The following CACNA1E variants were observed in gnomAD, a reference collection of about 807,000 sequenced individuals.
CACNA1E encodes voltage-dependent R-type calcium channel subunit alpha-1E.
A neutral mutation model predicts 259.2 loss-of-function variants in CACNA1E; 40 were observed. That is an observed-to-expected ratio of 0.15 (90% confidence interval 0.12 to 0.20). CACNA1E has a LOEUF of 0.20. Ranked by LOEUF, CACNA1E falls within the 10% of genes least tolerant of loss-of-function variation. The pLI, the probability that CACNA1E is intolerant of heterozygous loss-of-function variation, is 1.00. For synonymous variants in CACNA1E, 1,104 were observed against 1,138.5 expected (o/e 0.97, Z 0.61); for missense variants, 1,874 against 3,040.1 (o/e 0.62, Z 9.02).
chr1:181,506,490 C>T (rs1238909446), intron 1 of CACNA1E, among the ~76,000 whole-genome samples: 1 of 152,210 alleles, frequency 6.6e-6, no homozygotes, highest in Admixed American at 6.5e-5. Flanking sequence ...CTGCATTGAA[C>T]ATTGACTAAG....
intron 25 of CACNA1E, among the ~76,000 whole-genome samples, chr1:181,749,243 A>G (rs1657376230): frequency 6.6e-6 from 1 of 152,238 alleles, no homozygotes; most frequent in Non-Finnish European, 1.5e-5. Context: ...TCCAACTAAG[A>G]ACCAAAGCCT....
chr1:181,334,017 G>T (rs2102607229), intron 1 of CACNA1E, among the ~76,000 whole-genome samples: 1 of 152,238 alleles, frequency 6.6e-6, no homozygotes, highest in Middle Eastern at 3.4e-3. Context: ...TGCACTATTT[G>T]GCTACTTCCA....
chr1:181,418,623 G>C (rs1658467521), intron 2 of CACNA1E, among the ~76,000 whole-genome samples: 1 of 151,982 alleles, frequency 6.6e-6, no homozygotes, highest in African/African-American at 2.4e-5. Flanking sequence ...TCAAAATATT[G>C]ATTTCTCTCC....
At chr1:181,749,801 T>C (rs1354793363) in intron 25 of CACNA1E, among the ~76,000 whole-genome samples, 1 of 152,256 alleles carries the variant, frequency 6.6e-6, no homozygotes, top group African/African-American at 2.4e-5. Context: ...CACAGTATGC[T>C]CACAATGGAC....
At chr1:181,702,605 C>G (rs746903609) in intron 7 of CACNA1E, among the ~76,000 whole-genome samples, 4 of 152,118 alleles carry the variant, frequency 2.6e-5, no homozygotes, top group Non-Finnish European at 5.9e-5. Flanking sequence ...GACCTTTTTT[C>G]CATGTATTCA....
intron 1 of CACNA1E, among the ~76,000 whole-genome samples, chr1:181,342,954 G>A (rs936395001): frequency 2.0e-5 from 3 of 152,128 alleles, no homozygotes; most frequent in Non-Finnish European, 4.4e-5. Flanking sequence ...GGGTGGCAGG[G>A]CATCAAGAGC....
At chr1:181,635,348 G>A (rs1365888592) in intron 6 of CACNA1E, among the ~76,000 whole-genome samples, 1 of 152,100 alleles carries the variant, frequency 6.6e-6, no homozygotes, top group Non-Finnish European at 1.5e-5. Flanking sequence ...TGATTCAGAG[G>A]CAATTGCAAG....
chr1:181,434,979 AG>A (rs1659984173), intron 2 of CACNA1E, among the ~76,000 whole-genome samples: 1 of 152,256 alleles, frequency 6.6e-6, no homozygotes, highest in African/African-American at 2.4e-5. Flanking sequence ...GGTTGCAGAC[AG>A]TTACAGATTC....
chr1:181,684,537 C>A (rs945545644), intron 7 of CACNA1E, among the ~76,000 whole-genome samples: 1 of 152,152 alleles, frequency 6.6e-6, no homozygotes, highest in Non-Finnish European at 1.5e-5. Flanking sequence ...GAGTCTACAT[C>A]ATGAAATCTT....
intron 2 of CACNA1E, among the ~76,000 whole-genome samples, chr1:181,466,965 T>G (rs1190467707): frequency 6.6e-6 from 1 of 152,020 alleles, no homozygotes; most frequent in Admixed American, 6.5e-5. Flanking sequence ...TTAGTAAGAG[T>G]GCCGGACACA....
At chr1:181,416,728 G>T (rs565310955) in intron 2 of CACNA1E, among the ~76,000 whole-genome samples, 16 of 152,210 alleles carry the variant, frequency 1.1e-4, no homozygotes, top group African/African-American at 3.9e-4. Flanking sequence ...ATTGCTTCCA[G>T]ACCATTACTC....
intron 7 of CACNA1E, among the ~76,000 whole-genome samples, chr1:181,653,122 A>C (rs1359235306): frequency 7.2e-5 from 11 of 152,028 alleles, no homozygotes. Flanking sequence ...TCAACTAATT[A>C]CCATAGCTCC....
intron 3 of CACNA1E, among the ~76,000 whole-genome samples, chr1:181,555,415 G>C (rs1031792012): frequency 3.9e-5 from 6 of 152,124 alleles, no homozygotes; most frequent in African/African-American, 1.4e-4. Context: ...AAGACATATC[G>C]ATCCTGGTCT....
chr1:181,684,586 T>C (rs1403774781), intron 7 of CACNA1E, among the ~76,000 whole-genome samples: 1 of 152,218 alleles, frequency 6.6e-6, no homozygotes, highest in Non-Finnish European at 1.5e-5. Context: ...TCCTAGGTTT[T>C]CTCCTAGGGT....
At chr1:181,353,071 T>C (rs1557935763) in intron 1 of CACNA1E, among the ~76,000 whole-genome samples, 1 of 152,178 alleles carries the variant, frequency 6.6e-6, no homozygotes, top group Non-Finnish European at 1.5e-5. Flanking sequence ...GTGCTGCTAT[T>C]TGCTGTATCT....
chr1:181,681,432 A>G (rs1301765381), intron 7 of CACNA1E, among the ~76,000 whole-genome samples: 3 of 152,086 alleles, frequency 2.0e-5, no homozygotes, highest in Non-Finnish European at 4.4e-5. Flanking sequence ...ATTCCCTTTT[A>G]TTCTGTGAAA....
At chr1:181,423,098 C>A (rs186207006) in intron 2 of CACNA1E, among the ~76,000 whole-genome samples, 2 of 152,186 alleles carry the variant, frequency 1.3e-5, no homozygotes, top group Non-Finnish European at 2.9e-5. Flanking sequence ...AAACATCTAT[C>A]GCATGTGCCT....
chr1:181,334,549 ACAC>A (rs1651542832), intron 1 of CACNA1E, among the ~76,000 whole-genome samples: 1 of 152,206 alleles, frequency 6.6e-6, no homozygotes, highest in Non-Finnish European at 1.5e-5. Context: ...GTTAATGACA[ACAC>A]CATCCTTCTA....
At chr1:181,525,795 G>A (rs1330200941) in intron 3 of CACNA1E, among the ~76,000 whole-genome samples, 1 of 152,196 alleles carries the variant, frequency 6.6e-6, no homozygotes, top group African/African-American at 2.4e-5. Flanking sequence ...TATTATTGTG[G>A]CCATAGATTG....
Sources: allele counts gnomAD v4.1 joint callset (sites outside exome capture counted in the v4.1 genomes callset), GRCh38; gene constraint gnomAD v4.1.1; transcripts MANE v1.5; gene names NCBI Gene and HGNC (gene_info 2026-07-23, HGNC 2026-07-21).